The following ASIC2 variants were observed in gnomAD, a reference collection of about 807,000 sequenced individuals.
The protein encoded by ASIC2 is acid sensing ion channel subunit 2.
In ASIC2, 25 loss-of-function variants were observed where a neutral mutation model predicts 57.3. The ratio of observed to expected loss-of-function variants is 0.44; its 90% CI spans 0.32 to 0.61. ASIC2 has a LOEUF of 0.61. Among genes scored for constraint, ASIC2 ranks in the 20% least tolerant of loss-of-function variants. ASIC2 has a pLI of 0.06. For missense variants in ASIC2, 641 were observed against 738.1 expected (o/e 0.87, Z 1.52); for synonymous variants, 319 against 307.5 (o/e 1.04, Z -0.39).
intron 1 of ASIC2, among the ~76,000 whole-genome samples, chr17:33,489,750 C>T (rs761521548): frequency 9.9e-5 from 15 of 152,230 alleles, no homozygotes; most frequent in Non-Finnish European, 1.5e-4. Flanking sequence ...ACTGTGAAGG[C>T]CAGCCTTCCT....
intron 1 of ASIC2, among the ~76,000 whole-genome samples, chr17:33,865,280 T>C (rs1914200727): frequency 6.6e-6 from 1 of 152,218 alleles, no homozygotes; most frequent in Admixed American, 6.5e-5. Flanking sequence ...AGCCACATTT[T>C]GTTCCATTTC....
intron 1 of ASIC2, among the ~76,000 whole-genome samples, chr17:33,301,339 C>T (rs1351851044): frequency 1.3e-5 from 2 of 152,078 alleles, no homozygotes; most frequent in Non-Finnish European, 2.9e-5. Flanking sequence ...CCACGCCTGG[C>T]CAGACTTAAC....
chr17:34,116,114 G>A (rs906933432), intron 1 of ASIC2, among the ~76,000 whole-genome samples: 9 of 152,140 alleles, frequency 5.9e-5, no homozygotes, highest in African/African-American at 1.7e-4. Flanking sequence ...AGAGAAAACC[G>A]TTTGACCTTT....
intron 1 of ASIC2, among the ~76,000 whole-genome samples, chr17:33,507,356 T>C (rs1367754170): frequency 2.0e-5 from 3 of 152,190 alleles, no homozygotes; most frequent in South Asian, 2.1e-4. Flanking sequence ...AAATCATCGC[T>C]CTGTGGTTTC....
At chr17:33,490,776 A>C (rs1331663675) in intron 1 of ASIC2, among the ~76,000 whole-genome samples, 2 of 152,164 alleles carry the variant, frequency 1.3e-5, no homozygotes, top group Non-Finnish European at 2.9e-5. Context: ...GACTAATACA[A>C]AGATTTTTGT....
intron 1 of ASIC2, among the ~76,000 whole-genome samples, chr17:33,495,594 G>A (rs564584085): frequency 1.3e-5 from 2 of 152,308 alleles, no homozygotes; most frequent in East Asian, 1.9e-4. Context: ...CACAGTGGCC[G>A]TTCCTGCTTC....
chr17:33,713,233 A>G (rs1835401184), intron 1 of ASIC2, among the ~76,000 whole-genome samples: 1 of 152,188 alleles, frequency 6.6e-6, no homozygotes, highest in Non-Finnish European at 1.5e-5. Flanking sequence ...AGGCTGCTGT[A>G]TTAATTTCCT....
At chr17:33,419,352 T>C (rs1251221816) in intron 1 of ASIC2, among the ~76,000 whole-genome samples, 1 of 152,220 alleles carries the variant, frequency 6.6e-6, no homozygotes, top group Non-Finnish European at 1.5e-5. Flanking sequence ...GGTACGCCCA[T>C]TGAGGCTCAT....
At chr17:33,605,534 A>G (rs1905210964) in intron 1 of ASIC2, among the ~76,000 whole-genome samples, 1 of 152,246 alleles carries the variant, frequency 6.6e-6, no homozygotes, top group African/African-American at 2.4e-5. Flanking sequence ...CGCTTTAATG[A>G]ATAGAAAGAA....
intron 1 of ASIC2, among the ~76,000 whole-genome samples, chr17:33,498,687 A>G (rs571276532): frequency 6.6e-6 from 1 of 152,270 alleles, no homozygotes; most frequent in East Asian, 1.9e-4. Context: ...TAAGGCACAG[A>G]GCCTTTCTCC....
chr17:33,975,675 T>G lies in ASIC2; in HGVS notation c.555+180303A>C, dbSNP rs1490781490. ...CGGCTGGAGACCTTGATCTCATCTC[T>G]CTGTTCTGGTCCCATCAATAATTTC... On this transcript the variant is annotated intron_variant, in intron 1 of 9. Transcript: ENST00000359872. Among the ~76,000 whole-genome samples the G allele has an allele frequency of 2.0e-5, 3 of 152,140 alleles. No individual in the cohort carries two copies. In the East Asian group the frequency reaches 5.8e-4, roughly 29 times the overall value.
intron 1 of ASIC2, among the ~76,000 whole-genome samples, chr17:33,676,286 A>AAGG (rs1465668593): frequency 2.2e-4 from 34 of 152,358 alleles, no homozygotes; most frequent in Middle Eastern, 3.4e-3. Context: ...CAAGTGAAAG[A>AAGG]AGGAGTCACA....
At chr17:33,983,555 T>C (rs11653960) in intron 1 of ASIC2, among the ~76,000 whole-genome samples, 54,079 of 151,896 alleles carry the variant, frequency 0.36, 9,782 homozygotes, top group South Asian at 0.43. Context: ...TGAGGCCTCT[T>C]CTCAGTCTTC....
chr17:33,807,240 C>T (rs1368281298), intron 1 of ASIC2, among the ~76,000 whole-genome samples: 1 of 152,192 alleles, frequency 6.6e-6, no homozygotes, highest in African/African-American at 2.4e-5. Flanking sequence ...TTGGTGTGCT[C>T]TTCAAGGAGG....
At chr17:34,101,505 C>CTTTTAA (rs1910863653) in intron 1 of ASIC2, among the ~76,000 whole-genome samples, 1 of 152,130 alleles carries the variant, frequency 6.6e-6, no homozygotes, top group African/African-American at 2.4e-5. Context: ...GGTTCCCACG[C>CTTTTAA]TTTTAATGAA....
At chr17:34,109,194 G>A (rs1031947621) in intron 1 of ASIC2, among the ~76,000 whole-genome samples, 1 of 152,034 alleles carries the variant, frequency 6.6e-6, no homozygotes, top group East Asian at 1.9e-4. Flanking sequence ...GGCAACTTCT[G>A]TAACTTATTA....
At chr17:33,118,544 T>G (rs1335821665) in intron 1 of ASIC2, among the ~76,000 whole-genome samples, 1 of 152,132 alleles carries the variant, frequency 6.6e-6, no homozygotes, top group Non-Finnish European at 1.5e-5. Context: ...CCTGGCAGAC[T>G]AGTGAGGCTG....
chr17:33,749,145 G>A (rs1295432777), intron 1 of ASIC2, among the ~76,000 whole-genome samples: 1 of 152,144 alleles, frequency 6.6e-6, no homozygotes, highest in Non-Finnish European at 1.5e-5. Context: ...GGGTGCAAGA[G>A]CACAGCTTCC....
chr17:34,127,620 G>T (rs1911826645), intron 1 of ASIC2, among the ~76,000 whole-genome samples: 1 of 152,086 alleles, frequency 6.6e-6, no homozygotes, highest in African/African-American at 2.4e-5. Context: ...CCTCTTCTCA[G>T]CCTGGACACA....
Sources: gnomAD v4.1 joint callset for allele counts (sites outside exome capture counted in the v4.1 genomes callset) on GRCh38, gnomAD v4.1.1 for gene constraint, MANE v1.5 for transcripts, NCBI Gene and HGNC (gene_info 2026-07-23, HGNC 2026-07-21) for gene names.